Variants in VAV2 observed in about 807,000 individuals in gnomAD.
VAV2 encodes the protein guanine nucleotide exchange factor VAV2.
VAV2 carries 67 observed loss-of-function variants against 132.5 expected under a neutral mutation model. The ratio of observed to expected loss-of-function variants is 0.51; its 90% CI spans 0.42 to 0.62. VAV2 has a LOEUF of 0.62. Among genes scored for constraint, VAV2 ranks in the 20% least tolerant of loss-of-function variants. VAV2 has a pLI of 0.00. For synonymous variants in VAV2, 492 were observed against 443.5 expected, an observed-to-expected ratio of 1.11 and a Z score of -1.37; for missense variants, 938 against 1,153.6, an observed-to-expected ratio of 0.81 and a Z score of 2.71.
At chr9:133,765,814 TAGAC>T (rs1362179006) in intron 29 of VAV2, among the ~76,000 whole-genome samples, 4 of 152,116 alleles carry the variant, frequency 2.6e-5, no homozygotes, top group Non-Finnish European at 5.9e-5. Flanking sequence ...TAGAGAGAAA[TAGAC>T]AAACACACAC....
chr9:133,854,167 GCA>G lies in VAV2; in HGVS notation c.380+7205_380+7206del, dbSNP rs555851616. Among the ~76,000 whole-genome samples the G allele has an allele frequency of 2.3e-3, 341 of 145,254 alleles. 1 individual carries two copies. The highest frequency in any genetic ancestry group is 8.5e-3 in the African/African-American group (327 of 38,568). On this transcript the variant is annotated intron_variant, in intron 3 of 29. Coordinates refer to ENST00000371850, the MANE Select transcript of VAV2 (RefSeq NM_001134398.2). ...CACCTGCACACACACATCTGCATAT[GCA>G]CACACACCCCATGTACCTGCACACA...
chr9:133,831,246 G>C (rs554656913), intron 4 of VAV2, among the ~76,000 whole-genome samples: 1 of 152,138 alleles, frequency 6.6e-6, no homozygotes, highest in Admixed American at 6.5e-5. Context: ...GACCAGCCTG[G>C]CCAACACGGT....
At chr9:133,870,944 G>T (rs1259650065) in intron 2 of VAV2, among the ~76,000 whole-genome samples, 2 of 130,304 alleles carry the variant, frequency 1.5e-5, no homozygotes, top group Non-Finnish European at 3.3e-5. Flanking sequence ...GGATGGATGG[G>T]CAGATGGGTA....
intron 2 of VAV2, among the ~76,000 whole-genome samples, chr9:133,902,487 G>A (rs1036457194): frequency 1.3e-5 from 2 of 152,238 alleles, no homozygotes; most frequent in African/African-American, 4.8e-5. Flanking sequence ...AGCTCCAGTA[G>A]AGAAAATGTT....
Position 133,764,024 on chromosome 9 carries a change from C to T in VAV2, c.*38G>A. On this transcript the variant is annotated 3_prime_UTR_variant, in exon 30 of 30. Coordinates refer to ENST00000371850, the MANE Select transcript of VAV2 (RefSeq NM_001134398.2). Reference sequence around the variant, plus strand: ...CAGACTTCAGGGCTGGAGTGACTCTCCCAAGAAAATCTGCGAGTCTTGTCC... The same window carrying T: ...CAGACTTCAGGGCTGGAGTGACTCTTCCAAGAAAATCTGCGAGTCTTGTCC... 1 of 1,613,702 alleles carries T rather than the reference C, an allele frequency of 6.2e-7. No individual in the cohort carries two copies. Among genetic ancestry groups the T allele is most frequent in the Non-Finnish European group, 8.5e-7 (1 of 1,179,680 alleles).
At chr9:133,872,637 G>A (rs975734697) in intron 2 of VAV2, among the ~76,000 whole-genome samples, 8 of 151,162 alleles carry the variant, frequency 5.3e-5, no homozygotes, top group South Asian at 2.2e-4. Context: ...CTTGGGACCC[G>A]GGGAGAGAAG....
At chr9:133,892,994 T>C (rs1005822939) in intron 2 of VAV2, among the ~76,000 whole-genome samples, 1 of 152,214 alleles carries the variant, frequency 6.6e-6, no homozygotes, top group Non-Finnish European at 1.5e-5. Context: ...ACCATCTTCC[T>C]GGTCGTGAGG....
intron 2 of VAV2, among the ~76,000 whole-genome samples, chr9:133,927,567 C>G (rs975464203): frequency 7.9e-5 from 12 of 152,130 alleles, no homozygotes; most frequent in Admixed American, 5.2e-4. Context: ...GAGGTCTTGG[C>G]CACACACCCA....
rs1173089540 is a variant in VAV2 at position 133,964,046 on chromosome 9, TATACATATATATAC to T, written c.205-24841_205-24828del. On this transcript the variant is annotated intron_variant, in intron 1 of 29. Coordinates refer to ENST00000371850, the MANE Select transcript of VAV2 (RefSeq NM_001134398.2). ...TCATATATATATATATATATATATATATACATATATATACATATATATAAATGAATAGGCCAGGT... is the reference window on the plus strand; with the variant it reads ...TCATATATATATATATATATATATATATATATATAAATGAATAGGCCAGGT... Among the ~76,000 whole-genome samples the T allele has an allele frequency of 3.3e-4, 29 of 87,880 alleles. 1 individual carries two copies. Among genetic ancestry groups the T allele is most frequent in the East Asian group, 2.4e-3 (6 of 2,536 alleles). 57.7% of individuals were successfully genotyped at this position (87,880 alleles called of 152,430 possible). A position where few individuals can be genotyped will look rare whatever the true frequency, so the allele number is the denominator to read the frequency against.
chr9:133,813,234 G>A (rs1261233364), intron 4 of VAV2, among the ~76,000 whole-genome samples: 1 of 152,212 alleles, frequency 6.6e-6, no homozygotes, highest in Non-Finnish European at 1.5e-5. Flanking sequence ...TCACATCCCG[G>A]GCTCAAAGTG....
intron 2 of VAV2, among the ~76,000 whole-genome samples, chr9:133,873,742 C>T (rs561914721): frequency 1.2e-4 from 19 of 152,302 alleles, no homozygotes; most frequent in Non-Finnish European, 1.3e-4. Context: ...GGGAATTTCC[C>T]GTCCTTCATG....
intron 2 of VAV2, among the ~76,000 whole-genome samples, chr9:133,899,632 A>G (rs990912026): frequency 2.1e-5 from 3 of 144,200 alleles, no homozygotes; most frequent in Non-Finnish European, 4.6e-5. Context: ...CTGGTCTCGA[A>G]CTCCTGACCT....
intron 19 of VAV2, among the ~76,000 whole-genome samples, chr9:133,781,720 T>C (rs1056299308): frequency 1.3e-5 from 2 of 152,156 alleles, no homozygotes; most frequent in Non-Finnish European, 2.9e-5. Flanking sequence ...GAAGGCAGCT[T>C]GGACACTGTT....
chr9:133,844,432 T>C (rs1405744868), intron 3 of VAV2, among the ~76,000 whole-genome samples: 3 of 152,114 alleles, frequency 2.0e-5, no homozygotes, highest in Non-Finnish European at 4.4e-5. Context: ...ACACTTAGGA[T>C]TTGTCCATCA....
intron 19 of VAV2, among the ~76,000 whole-genome samples, chr9:133,783,025 C>T (rs570189545): frequency 2.6e-5 from 4 of 152,312 alleles, no homozygotes; most frequent in Admixed American, 1.3e-4. Context: ...CAGAAGGGAA[C>T]CACTGTAAGT....
chr9:133,992,005 G>T lies in VAV2; in HGVS notation c.204+70C>A. ...CTGGGCCGCCGCCGCTGCGACCTCC[G>T]CGTTCAGTCCGCGCGTCGGGCAGCG... On this transcript the variant is annotated intron_variant, in intron 1 of 29. Transcript: ENST00000371850. The surrounding 1 kb of genome is among the most constrained non-coding windows in gnomAD (Gnocchi z 5.5). The T allele has an allele frequency of 7.7e-7, 1 of 1,298,384 alleles. No homozygotes were observed. Among genetic ancestry groups the T allele is most frequent in the Non-Finnish European group, 9.9e-7 (1 of 1,009,252 alleles). The allele number at this position is 1,298,384 out of a possible 1,614,324, so 80.4% of individuals were successfully genotyped here.
chr9:133,837,712 TA>T lies in VAV2; in HGVS notation c.381-3373del, dbSNP rs760333067. 6.8e-3 allele frequency among the ~76,000 whole-genome samples: 844 copies of T among 124,466 alleles called. 3 individuals are homozygous for T. Among genetic ancestry groups the T allele is most frequent in the Middle Eastern group, 0.012 (3 of 252 alleles). 81.7% of individuals were successfully genotyped at this position (124,466 alleles called of 152,430 possible). On this transcript the variant is annotated intron_variant, in intron 3 of 29. Coordinates refer to ENST00000371850, the MANE Select transcript of VAV2 (RefSeq NM_001134398.2). The stretch of plus-strand genomic sequence containing the variant: ...AGACTCCATCTCAAAAAAAATAAAT[TA>T]AAAAAAAAAAAAAAACCTTTTTAAA...
intron 4 of VAV2, among the ~76,000 whole-genome samples, chr9:133,816,922 G>T (rs1307406271): frequency 6.6e-6 from 1 of 152,216 alleles, no homozygotes; most frequent in Non-Finnish European, 1.5e-5. Context: ...ATCACGTAAT[G>T]TAAATCTAGC....
At position 133,818,832 on chromosome 9, in the gene VAV2, C is replaced by T. The variant is rs565262401; in HGVS notation, c.450-6616G>A. 3.9e-5 allele frequency among the ~76,000 whole-genome samples: 6 copies of T among 152,274 alleles called. No individual in the cohort carries two copies. The South Asian group carries it at 6.2e-4, about 16-fold the overall frequency. ...GTTTCTTGCGTTTGGTGATTTCTTT[C>T]TTGGACCCGAGATGCTATGAACGAT... On this transcript the variant is annotated intron_variant, in intron 4 of 29. Coordinates refer to ENST00000371850, the MANE Select transcript of VAV2 (RefSeq NM_001134398.2).
Sources: gnomAD v4.1 joint callset for allele counts (sites outside exome capture counted in the v4.1 genomes callset) on GRCh38, gnomAD v4.1.1 for gene constraint, Gnocchi (gnomAD v3.1) non-coding constraint, MANE v1.5 for transcripts, NCBI Gene and HGNC (gene_info 2026-07-23, HGNC 2026-07-21) for gene names.